Variants in LRRC20 observed in about 807,000 individuals in gnomAD.
The protein encoded by LRRC20 is leucine-rich repeat-containing protein 20.
In LRRC20, 11 loss-of-function variants were observed where a neutral mutation model predicts 14.4. The ratio of observed to expected loss-of-function variants is 0.77; its 90% CI spans 0.48 to 1.27. The LOEUF is 1.27. Among genes scored for constraint, LRRC20 ranks in the 50% most tolerant of loss-of-function variants. The probability of loss-of-function intolerance (pLI) is 0.00; values close to 1 mark genes in which losing one functional copy is unlikely to be tolerated. For synonymous variants in LRRC20, 121 were observed against 107.3 expected, an observed-to-expected ratio of 1.13 and a Z score of -0.79; for missense variants, 219 against 251.2, an observed-to-expected ratio of 0.87 and a Z score of 0.87.
intron 3 of LRRC20, among the ~76,000 whole-genome samples, chr10:70,338,039 C>G (rs1309336000): frequency 1.3e-5 from 2 of 152,186 alleles, no homozygotes; most frequent in African/African-American, 2.4e-5. Context: ...ACTAGAGGAC[C>G]CTGGGACAAA....
chr10:70,375,589 C>T lies in LRRC20; in HGVS notation c.82+863G>A, dbSNP rs562169086. On this transcript the variant is annotated intron_variant, in intron 2 of 4. Transcript: ENST00000446961. ...AGACAGACAGACACACACACACACA[C>T]ACCCCTACCTGCCTGTGAAATTCCT... is the stretch of plus-strand genomic sequence containing the variant. 2.1e-4 allele frequency among the ~76,000 whole-genome samples: 32 copies of T among 152,300 alleles called. No individual in the cohort carries two copies. In the South Asian group the frequency reaches 6.2e-3, roughly 30 times the overall value.
At position 70,323,952 on chromosome 10, in the gene LRRC20, A is replaced by T. The variant is rs376786259; in HGVS notation, c.311T>A (p.Leu104Gln). ...GAAGTCCTGGAACTGGTTCCGGGAC[A>T]GGTCAATGGCCTTGAGGTGCTGCAG... Reference protein sequence around the residue: ...SALQHLKAIDLSRNQFQDFPE... With the variant: ...SALQHLKAIDQSRNQFQDFPE... The change falls in exon 4 of 5, where the codon CTG becomes CAG. Residue 104 changes from leucine to glutamine, a missense_variant. Leu to Gln is a moderately radical substitution (Grantham distance 113). Transcript: ENST00000446961. 71 of 1,614,112 alleles carry T rather than the reference A, an allele frequency of 4.4e-5. No individual in the cohort carries two copies. The highest frequency in any genetic ancestry group is 5.7e-5 in the Non-Finnish European group (67 of 1,180,048).
At chr10:70,330,030 T>G (rs1239669942) in intron 3 of LRRC20, among the ~76,000 whole-genome samples, 1 of 152,240 alleles carries the variant, frequency 6.6e-6, no homozygotes, top group Non-Finnish European at 1.5e-5. Context: ...ATCTGTGTTC[T>G]TGGGAGATAT....
At chr10:70,377,050 C>T (rs60018861) in intron 1 of LRRC20, among the ~76,000 whole-genome samples, 2,437 of 152,344 alleles carry the variant, frequency 0.016, 37 homozygotes, top group African/African-American at 0.019. Context: ...ATTTCCCCAG[C>T]TCCCCTGTTC....
chr10:70,320,691 G>A (rs1234205898), intron 4 of LRRC20, among the ~76,000 whole-genome samples: 4 of 152,268 alleles, frequency 2.6e-5, no homozygotes, highest in East Asian at 1.9e-4. Flanking sequence ...CTGGAGGGCC[G>A]TGTGCTCAAG....
At chr10:70,329,475 C>T (rs1842451283) in intron 3 of LRRC20, among the ~76,000 whole-genome samples, 1 of 151,988 alleles carries the variant, frequency 6.6e-6, no homozygotes, top group Non-Finnish European at 1.5e-5. Context: ...GAGGTAGTTT[C>T]CCTGTATTTC....
intron 4 of LRRC20, among the ~76,000 whole-genome samples, chr10:70,303,074 A>T (rs1204048915): frequency 6.6e-6 from 1 of 152,208 alleles, no homozygotes. Context: ...ATTTTATCAC[A>T]ATTAAAAAAT....
At chr10:70,322,511 A>T (rs1010519580) in intron 4 of LRRC20, among the ~76,000 whole-genome samples, 3 of 152,204 alleles carry the variant, frequency 2.0e-5, no homozygotes, top group Admixed American at 6.5e-5. Flanking sequence ...AGGCCAAGGC[A>T]CTTCTGGGCA....
chr10:70,326,339 C>T (rs981447932), intron 3 of LRRC20, among the ~76,000 whole-genome samples: 2 of 152,046 alleles, frequency 1.3e-5, no homozygotes, highest in South Asian at 2.1e-4. Flanking sequence ...CACACGCACG[C>T]GCCTGGGTAC....
chr10:70,326,546 C>A (rs1842330417), intron 3 of LRRC20, among the ~76,000 whole-genome samples: 1 of 152,208 alleles, frequency 6.6e-6, no homozygotes. Flanking sequence ...TTTCCATCTT[C>A]AGGGACGTCG....
intron 2 of LRRC20, among the ~76,000 whole-genome samples, chr10:70,350,678 C>G (rs931748130): frequency 1.3e-5 from 2 of 152,198 alleles, no homozygotes; most frequent in African/African-American, 4.8e-5. Flanking sequence ...GACTTCCCTG[C>G]CAACCAAGTC....
At chr10:70,372,660 T>C (rs935392320) in intron 2 of LRRC20, among the ~76,000 whole-genome samples, 1 of 152,114 alleles carries the variant, frequency 6.6e-6, no homozygotes, top group South Asian at 2.1e-4. Context: ...GCCAGGATGG[T>C]TTCGATCTCC....
chr10:70,355,403 C>G (rs1279974534), intron 2 of LRRC20, among the ~76,000 whole-genome samples: 1 of 152,148 alleles, frequency 6.6e-6, no homozygotes, highest in East Asian at 1.9e-4. Context: ...TTTCCTGTCT[C>G]ATGCCCCTTA....
chr10:70,306,182 C>A (rs1018504910), intron 4 of LRRC20, among the ~76,000 whole-genome samples: 2 of 151,688 alleles, frequency 1.3e-5, no homozygotes, highest in Non-Finnish European at 2.9e-5. Flanking sequence ...GTGTACCATA[C>A]ATACGTCATG....
intron 2 of LRRC20, among the ~76,000 whole-genome samples, chr10:70,345,768 C>T (rs1327720799): frequency 6.6e-6 from 1 of 152,148 alleles, no homozygotes; most frequent in East Asian, 1.9e-4. Context: ...GAAAAGAAAG[C>T]CTTGCTAAGT....
At chr10:70,335,866 C>T (rs1475456852) in intron 3 of LRRC20, among the ~76,000 whole-genome samples, 1 of 152,230 alleles carries the variant, frequency 6.6e-6, no homozygotes, top group African/African-American at 2.4e-5. Context: ...TCTGTCAAAT[C>T]CACATTTTAA....
chr10:70,333,341 T>A (rs1842608099), intron 3 of LRRC20, among the ~76,000 whole-genome samples: 1 of 152,168 alleles, frequency 6.6e-6, no homozygotes, highest in African/African-American at 2.4e-5. Flanking sequence ...AGACCCAGGA[T>A]GGAAGCGATG....
intron 1 of LRRC20, 91 bp from the exon 2 acceptor site, chr10:70,376,687 A>T: frequency 1.5e-6 from 1 of 683,566 alleles, no homozygotes; most frequent in Admixed American, 2.6e-5. Flanking sequence ...CCCAGGACCC[A>T]GGCTGTCAGG....
At chr10:70,306,350 C>G (rs560680241) in intron 4 of LRRC20, among the ~76,000 whole-genome samples, 374 of 152,302 alleles carry the variant, frequency 2.5e-3, no homozygotes, top group South Asian at 1.0e-2. Context: ...GCACTTCCCC[C>G]TCTAGTACCA....
Sources: gnomAD v4.1 joint callset for allele counts (sites outside exome capture counted in the v4.1 genomes callset) on GRCh38, gnomAD v4.1.1 for gene constraint, MANE v1.5 for transcripts, NCBI Gene and HGNC (gene_info 2026-07-23, HGNC 2026-07-21) for gene names.